The following DNAH17 variants were observed in gnomAD, a reference collection of about 807,000 sequenced individuals.
DNAH17 encodes the protein axonemal beta dynein heavy chain 17.
In DNAH17, 376 loss-of-function variants were observed where a neutral mutation model predicts 485.6. The observed-to-expected ratio is 0.77, with a 90% CI of 0.71 to 0.84. DNAH17 has a LOEUF of 0.84. DNAH17 is among the 40% of genes least tolerant of loss of function. The pLI is 0.00. For synonymous variants in DNAH17, 3,031 were observed against 2,405.9 expected (o/e 1.26, Z -7.60); for missense variants, 6,370 against 5,839.3 (o/e 1.09, Z -2.96).
chr17:78,466,588 C>A, intron 56 of DNAH17, 67 bp downstream of exon 56: 1 of 1,449,752 alleles, frequency 6.9e-7, no homozygotes, highest in Non-Finnish European at 9.1e-7. Flanking sequence ...TCCCAGGGAG[C>A]CAGCCCTTGG....
chr17:78,430,513 A>C (rs758287606), intron 75 of DNAH17, among the ~76,000 whole-genome samples: 4 of 152,224 alleles, frequency 2.6e-5, no homozygotes, highest in Non-Finnish European at 4.4e-5. Flanking sequence ...AGTTCATTGA[A>C]TAAGAATCAG....
At position 78,492,729 on chromosome 17, in the gene DNAH17, T is replaced by G; in HGVS notation, c.6445A>C (p.Lys2149Gln). 6.2e-7 allele frequency: 1 copy of G among 1,612,864 alleles called. No individual in the cohort carries two copies. The highest frequency in any genetic ancestry group is 1.1e-5 in the South Asian group (1 of 90,808). ...KSLNKTYQNL[K>Q]RKPVAVDLDP... ...AGGTCCACGGCGACCGGCTTCCTCT[T>G]CAGGTTCTGATAGGTCTTGTTGAGG... The change falls in exon 42 of 81, where the codon AAG becomes CAG. Residue 2149 changes from lysine (K) to glutamine (Q), a missense_variant. Lys to Gln is a moderately conservative substitution (Grantham distance 53). Transcript: ENST00000389840.
chr17:78,517,742 TGTC>T (rs988555009), intron 25 of DNAH17, among the ~76,000 whole-genome samples: 7 of 152,254 alleles, frequency 4.6e-5, no homozygotes, highest in African/African-American at 1.4e-4. Context: ...TTTAAAAAGT[TGTC>T]AGTTCTTTCA....
At chr17:78,488,385 A>AAT (rs1387590878) in intron 44 of DNAH17, among the ~76,000 whole-genome samples, 1 of 152,096 alleles carries the variant, frequency 6.6e-6, no homozygotes, top group African/African-American at 2.4e-5. Context: ...CTCCTCTGCC[A>AAT]ATACTCAGGT....
chr17:78,512,065 C>T (rs181106349), intron 26 of DNAH17, among the ~76,000 whole-genome samples: 44 of 152,274 alleles, frequency 2.9e-4, no homozygotes, highest in Non-Finnish European at 4.6e-4. Context: ...GTGGTGGGGG[C>T]GGAGCAGGAG....
Position 78,449,391 on chromosome 17 carries a change from G to T in DNAH17, c.11211+23C>A, listed in dbSNP as rs1307736847. ...CACCGCTGGTCCACGGACCACACTA[G>T]GAACAGTGAGGCTAGACATTACCTG... On this transcript the variant is annotated intron_variant, in intron 69 of 80. Transcript: ENST00000389840. 2.6e-6 allele frequency: 4 copies of T among 1,538,272 alleles called. No individual in the cohort carries two copies. In the East Asian group the frequency reaches 9.9e-5, roughly 38 times the overall value.
At chr17:78,473,669 G>A (rs1175760949) in intron 54 of DNAH17, among the ~76,000 whole-genome samples, 4 of 140,866 alleles carry the variant, frequency 2.8e-5, no homozygotes, top group South Asian at 2.1e-4. Context: ...AAATAGTACC[G>A]CTGAGGCTGA....
At position 78,539,875 on chromosome 17, in the gene DNAH17, G is replaced by A. The variant is rs752785072; in HGVS notation, c.2538C>T (p.Asn846=). 18 of 1,573,648 alleles carry A rather than the reference G, an allele frequency of 1.1e-5. No individual in the cohort carries two copies. Among genetic ancestry groups the A allele is most frequent in the Admixed American group, 7.9e-5 (4 of 50,824 alleles). The change falls in exon 18 of 81, where the codon AAC becomes AAT. Residue 846 remains asparagine (N), a synonymous_variant. Coordinates refer to ENST00000389840, the MANE Select transcript of DNAH17 (RefSeq NM_173628.4). Reference sequence around the variant, plus strand: ...GTGTGTCTGCCCTGAATAGTTCTGCGTTTTCCTGCAAACAGAAGCGCACAG... The same window carrying A: ...GTGTGTCTGCCCTGAATAGTTCTGCATTTTCCTGCAAACAGAAGCGCACAG... ...GVKIQAMVAE[N]AELFRADTLS...
intron 24 of DNAH17, among the ~76,000 whole-genome samples, chr17:78,526,127 C>T (rs1267625808): frequency 6.6e-6 from 1 of 152,236 alleles, no homozygotes; most frequent in African/African-American, 2.4e-5. Context: ...CTTGAGTGGG[C>T]TGCCAGGTCC....
chr17:78,471,187 C>T (rs926617877), intron 54 of DNAH17, among the ~76,000 whole-genome samples: 23 of 152,168 alleles, frequency 1.5e-4, no homozygotes, highest in African/African-American at 4.1e-4. Context: ...GAAGCAAGTC[C>T]GACTCCCTGA....
At position 78,453,459 on chromosome 17, in the gene DNAH17, C is replaced by T. The variant is rs148272867; in HGVS notation, c.10413G>A (p.Leu3471=). ...CCGAGATGGCCTGCTCGATGACATC[C>T]AGGTAGCTGCGGGCACAACACGGAA... The part of the protein sequence containing the change: ...KAIRLGQKSY[L]DVIEQAISEG... Residue 3471 remains leucine (L), a synonymous_variant, in exon 65 of 81, where the codon CTG becomes CTA. Transcript: ENST00000389840. 1.8e-5 allele frequency: 29 copies of T among 1,613,904 alleles called. No homozygotes were observed. In the African/African-American group the frequency reaches 3.3e-4, roughly 19 times the overall value.
At chr17:78,562,596 T>C (rs1029390695) in intron 11 of DNAH17, among the ~76,000 whole-genome samples, 5 of 152,276 alleles carry the variant, frequency 3.3e-5, no homozygotes, top group Admixed American at 1.3e-4. Flanking sequence ...CACCCCAGCC[T>C]GGGCAACAGA....
intron 57 of DNAH17, among the ~76,000 whole-genome samples, chr17:78,461,979 T>G (rs2146536498): frequency 6.6e-6 from 1 of 152,188 alleles, no homozygotes; most frequent in South Asian, 2.1e-4. Flanking sequence ...AACTGCAGCC[T>G]GGGCAACCGA....
At chr17:78,426,650 G>A (rs1041297699) in intron 78 of DNAH17, 50 bp from the exon 79 acceptor site, 4 of 1,550,382 alleles carry the variant, frequency 2.6e-6, no homozygotes, top group Non-Finnish European at 3.5e-6. Flanking sequence ...GGGCCTGGGA[G>A]AGCACCAGCC....
intron 25 of DNAH17, among the ~76,000 whole-genome samples, chr17:78,521,851 G>A (rs181456811): frequency 3.0e-3 from 452 of 152,250 alleles, no homozygotes; most frequent in Admixed American, 6.3e-3. Context: ...GCCAAGTGTG[G>A]TGGCGTGCGC....
chr17:78,431,918 T>A (rs1377714292), intron 75 of DNAH17, among the ~76,000 whole-genome samples: 2 of 152,098 alleles, frequency 1.3e-5, no homozygotes, highest in East Asian at 3.8e-4. Context: ...ACGCCTGTAA[T>A]CCTAGCACTT....
At position 78,571,270 on chromosome 17, in the gene DNAH17, C is replaced by G. The variant is rs770516576; in HGVS notation, c.832+9G>C. On this transcript the variant is annotated intron_variant, in intron 5 of 80. Transcript: ENST00000389840. ...TCGTGCAGAACTCATGACAGGGTCA[C>G]AGGCTCACCTTCAGTGACGTTGGTG... 6.2e-7 allele frequency: 1 copy of G among 1,610,090 alleles called. No individual in the cohort carries two copies. The highest frequency in any genetic ancestry group is 2.2e-5 in the East Asian group (1 of 44,854).
At chr17:78,510,750 G>GCC (rs2090612882) in intron 26 of DNAH17, 15 of 306,276 alleles carry the variant, frequency 4.9e-5, no homozygotes, top group Non-Finnish European at 7.4e-5. Context: ...GCGGAATTGC[G>GCC]GCCCCCCCGC....
At chr17:78,431,046 T>C (rs1346150172) in intron 75 of DNAH17, among the ~76,000 whole-genome samples, 3 of 103,986 alleles carry the variant, frequency 2.9e-5, no homozygotes, top group African/African-American at 1.1e-4. Flanking sequence ...GCCAGACTAA[T>C]TTTTTTATTT....
Sources: gnomAD v4.1 joint callset for allele counts (sites outside exome capture counted in the v4.1 genomes callset) on GRCh38, gnomAD v4.1.1 for gene constraint, MANE v1.5 for transcripts, NCBI Gene and HGNC (gene_info 2026-07-23, HGNC 2026-07-21) for gene names.